ZCCHC9: variants seen among roughly 807,000 people sequenced by gnomAD.
The protein encoded by ZCCHC9 is zinc finger CCHC domain-containing protein 9.
In ZCCHC9, 18 loss-of-function variants were observed where a neutral mutation model predicts 30.8. The observed-to-expected ratio is 0.58, with a 90% CI of 0.40 to 0.87. The LOEUF is 0.87. ZCCHC9 is among the 40% of genes least tolerant of loss of function. ZCCHC9 has a pLI of 0.00. For missense variants in ZCCHC9, 279 were observed against 331.2 expected, an observed-to-expected ratio of 0.84 and a Z score of 1.22; for synonymous variants, 94 against 106.7, an observed-to-expected ratio of 0.88 and a Z score of 0.73.
intron 4 of ZCCHC9, among the ~76,000 whole-genome samples, chr5:81,309,404 G>A (rs534494674): frequency 2.0e-5 from 3 of 152,320 alleles, no homozygotes; most frequent in Non-Finnish European, 4.4e-5. Context: ...TATCATTTTG[G>A]TGGAGGGGTG....
At chr5:81,302,861 G>A (rs957164914) in intron 1 of ZCCHC9, 3 of 151,978 alleles carry the variant, frequency 2.0e-5, no homozygotes, top group Admixed American at 6.6e-5. Context: ...TATTATTTAG[G>A]GTATTACTGT....
At chr5:81,309,091 GATTT>G in intron 4 of ZCCHC9, 53 bp downstream of exon 4, 1 of 1,329,740 alleles carries the variant, frequency 7.5e-7, no homozygotes, top group Non-Finnish European at 1.0e-6. Flanking sequence ...GTGCAGTTGT[GATTT>G]AATTTACACT....
At chr5:81,305,198 T>C (rs1758055286) in intron 2 of ZCCHC9, 57 bp downstream of exon 2, 3 of 1,533,102 alleles carry the variant, frequency 2.0e-6, no homozygotes, top group African/African-American at 1.4e-5. Flanking sequence ...ACTATTCTTA[T>C]ATTCACACAC....
At chr5:81,304,553 C>T (rs1354177146) in intron 1 of ZCCHC9, 188 bp from the exon 2 acceptor site, 1 of 417,050 alleles carries the variant, frequency 2.4e-6, no homozygotes, top group Non-Finnish European at 4.1e-6. Context: ...ATGTTAGAAG[C>T]ATGTCTATGC....
At chr5:81,311,847 A>C (rs1379519304) in intron 5 of ZCCHC9, among the ~76,000 whole-genome samples, 1 of 152,206 alleles carries the variant, frequency 6.6e-6, no homozygotes, top group Non-Finnish European at 1.5e-5. Context: ...GGAGATCATT[A>C]TTACATTAGT....
rs112487387 is a variant in ZCCHC9 at position 81,312,787 on chromosome 5, G to A, written c.*125G>A. The stretch of plus-strand genomic sequence containing the variant: ...CTGTAGATATCAGTATGATCTGGGT[G>A]TGGCCAAAAACAATTTTCTTTATTC... On this transcript the variant is annotated 3_prime_UTR_variant, in exon 6 of 6. Coordinates refer to ENST00000407610, the MANE Select transcript of ZCCHC9 (RefSeq NM_001131035.2). 9 of 658,344 alleles carry A rather than the reference G, an allele frequency of 1.4e-5. No homozygotes were observed. The highest frequency in any genetic ancestry group is 3.7e-4 in the Middle Eastern group (1 of 2,668). 40.8% of individuals were successfully genotyped at this position (658,344 alleles called of 1,614,324 possible).
intron 2 of ZCCHC9, among the ~76,000 whole-genome samples, chr5:81,305,981 C>T (rs546400725): frequency 1.3e-5 from 2 of 152,104 alleles, no homozygotes; most frequent in African/African-American, 2.4e-5. Flanking sequence ...AATTGAAAGT[C>T]CTTGAGACTC....
At chr5:81,307,262 A>G (rs538427066) in intron 2 of ZCCHC9, among the ~76,000 whole-genome samples, 165 of 152,350 alleles carry the variant, frequency 1.1e-3, no homozygotes, top group South Asian at 9.9e-3. Context: ...ACAACTAACC[A>G]TTGCTCAGTT....
At chr5:81,307,315 T>C (rs1469841579) in intron 2 of ZCCHC9, among the ~76,000 whole-genome samples, 1 of 152,246 alleles carries the variant, frequency 6.6e-6, no homozygotes, top group African/African-American at 2.4e-5. Context: ...AAATTATTCC[T>C]TTAAAATGTA....
rs141994493 is a variant in ZCCHC9 at position 81,312,725 on chromosome 5, C to G, written c.*63C>G. On this transcript the variant is annotated 3_prime_UTR_variant, in exon 6 of 6. Transcript: ENST00000407610. ...TACTTTCTAAACCAGGCCCGCTTCACGAGTTAGAGTTGAGCTCCCCTGTAG... is the reference window on the plus strand; with the variant it reads ...TACTTTCTAAACCAGGCCCGCTTCAGGAGTTAGAGTTGAGCTCCCCTGTAG... 1,787 of 1,273,686 alleles carry G rather than the reference C, an allele frequency of 1.4e-3. 3 individuals are homozygous for G. The highest frequency in any genetic ancestry group is 1.8e-3 in the South Asian group (141 of 78,872). 78.9% of individuals were successfully genotyped at this position (1,273,686 alleles called of 1,614,324 possible). A position where few individuals can be genotyped will look rare whatever the true frequency, so the allele number is the denominator to read the frequency against.
intron 5 of ZCCHC9, 98 bp from the exon 6 acceptor site, chr5:81,312,446 C>G (rs1758317993): frequency 1.1e-6 from 1 of 872,752 alleles, no homozygotes; most frequent in Admixed American, 2.3e-5. Flanking sequence ...TGTGATTATT[C>G]ATATCAAAAT....
chr5:81,306,724 C>T (rs1043948411), intron 2 of ZCCHC9, among the ~76,000 whole-genome samples: 1 of 152,092 alleles, frequency 6.6e-6, no homozygotes, highest in African/African-American at 2.4e-5. Context: ...AATTTACAAT[C>T]AGTGCTTCAC....
chr5:81,308,527 T>G, intron 2 of ZCCHC9, 34 bp from the exon 3 acceptor site: 1 of 1,581,058 alleles, frequency 6.3e-7, no homozygotes. Flanking sequence ...TGGTATAGTT[T>G]TGCAGCGTGC....
chr5:81,308,496 A>T, intron 2 of ZCCHC9, 65 bp from the exon 3 acceptor site: 1 of 1,441,988 alleles, frequency 6.9e-7, no homozygotes, highest in Non-Finnish European at 9.2e-7. Context: ...TGTTTTTGAT[A>T]ACAAGAATTA....
intron 2 of ZCCHC9, among the ~76,000 whole-genome samples, chr5:81,307,900 C>T (rs1251554925): frequency 7.1e-6 from 1 of 140,494 alleles, no homozygotes; most frequent in Non-Finnish European, 1.5e-5. Flanking sequence ...GAGGCTGAGG[C>T]AGGAGAATCA....
intron 1 of ZCCHC9, chr5:81,303,711 A>C (rs914860119): frequency 1.3e-5 from 2 of 152,284 alleles, no homozygotes; most frequent in Non-Finnish European, 2.9e-5. Flanking sequence ...GCATTACCAC[A>C]GACATGAGTA....
intron 2 of ZCCHC9, among the ~76,000 whole-genome samples, chr5:81,308,051 A>ATCTATCTATCTG (rs1554049994): frequency 6.3e-5 from 9 of 142,910 alleles, no homozygotes; most frequent in African/African-American, 2.1e-4. Flanking sequence ...CTATCTATCT[A>ATCTATCTATCTG]TCTATCTTAT....
chr5:81,305,810 T>G (rs769565866), intron 2 of ZCCHC9, among the ~76,000 whole-genome samples: 7 of 152,140 alleles, frequency 4.6e-5, no homozygotes, highest in Non-Finnish European at 8.8e-5. Context: ...TTTTTCAAAT[T>G]AGCATTGAGA....
At chr5:81,311,943 C>CT (rs3052888) in intron 5 of ZCCHC9, among the ~76,000 whole-genome samples, 14,180 of 152,028 alleles carry the variant, frequency 0.093, 735 homozygotes, top group Middle Eastern at 0.19. Flanking sequence ...GGAAAGAGCA[C>CT]TTTTTTTTAT....
Sources: allele counts gnomAD v4.1 joint callset (sites outside exome capture counted in the v4.1 genomes callset), GRCh38; gene constraint gnomAD v4.1.1; transcripts MANE v1.5; gene names NCBI Gene and HGNC (gene_info 2026-07-23, HGNC 2026-07-21).